Variants in AHDC1 observed in about 807,000 individuals in gnomAD.
The protein encoded by AHDC1 is AT-hook DNA binding motif containing 1, also known as transcription factor Gibbin.
A neutral mutation model predicts 87.9 loss-of-function variants in AHDC1; 7 were observed. The ratio of observed to expected loss-of-function variants is 0.08; its 90% CI spans 0.05 to 0.15. The LOEUF is 0.15. AHDC1 is among the 10% of genes least tolerant of loss of function. AHDC1 has a pLI of 1.00. For missense variants in AHDC1, 1,841 were observed against 2,253.2 expected (o/e 0.82, Z 3.70); for synonymous variants, 1,051 against 1,006.8 (o/e 1.04, Z -0.83).
intron 5 of AHDC1, among the ~76,000 whole-genome samples, chr1:27,557,760 C>T (rs2019890242): frequency 6.6e-6 from 1 of 152,178 alleles, no homozygotes; most frequent in Non-Finnish European, 1.5e-5. Flanking sequence ...CACACAGTAT[C>T]CCCACACCTG....
At chr1:27,555,269 G>C (rs1039669670) in intron 5 of AHDC1, among the ~76,000 whole-genome samples, 14 of 152,222 alleles carry the variant, frequency 9.2e-5, no homozygotes, top group African/African-American at 3.4e-4. Context: ...CTACCCCAGT[G>C]GGGACACTTT....
At chr1:27,575,902 C>CG (rs1208532806) in intron 3 of AHDC1, among the ~76,000 whole-genome samples, 12 of 21,054 alleles carry the variant, frequency 5.7e-4, no homozygotes, top group African/African-American at 1.6e-3. Context: ...GGAGGGGGGG[C>CG]GGGGTCACGT....
intron 3 of AHDC1, among the ~76,000 whole-genome samples, chr1:27,570,802 T>C (rs1324642817): frequency 6.6e-6 from 1 of 152,130 alleles, no homozygotes; most frequent in African/African-American, 2.4e-5. Context: ...TGTATCTTAA[T>C]ACTGCCCAGC....
At chr1:27,544,977 T>A (rs1157997400) in intron 8 of AHDC1, among the ~76,000 whole-genome samples, 1 of 152,116 alleles carries the variant, frequency 6.6e-6, no homozygotes, top group African/African-American at 2.4e-5. Flanking sequence ...TTTACTGCCT[T>A]CCCATAGGCA....
intron 3 of AHDC1, among the ~76,000 whole-genome samples, chr1:27,596,340 T>C (rs977756181): frequency 3.3e-5 from 5 of 152,068 alleles, no homozygotes; most frequent in Non-Finnish European, 5.9e-5. Flanking sequence ...AGGGCAGCAC[T>C]GCGTTTGAAG....
rs190766634 is a variant in AHDC1, at chr1:27,563,425, C to T, written c.-628-4542G>A. Among the ~76,000 whole-genome samples the T allele has an allele frequency of 2.6e-5, 4 of 152,316 alleles. No homozygotes were observed. The East Asian group carries it at 7.7e-4, about 29-fold the overall frequency. The stretch of plus-strand genomic sequence containing the variant: ...AAGGCATGGACCCCTCCACCCACCA[C>T]ACAGCATGAGGCAGGGACATAACCT... On this transcript the variant is annotated intron_variant, in intron 3 of 8. Transcript: ENST00000673934. The surrounding 1 kb of genome is among the most constrained non-coding windows in gnomAD (Gnocchi z 6.1).
intron 3 of AHDC1, among the ~76,000 whole-genome samples, chr1:27,583,707 A>C (rs1040879392): frequency 6.6e-6 from 1 of 151,724 alleles, no homozygotes; most frequent in Non-Finnish European, 1.5e-5. Context: ...CTGCAGCTCC[A>C]CCCTCTCCCT....
At chr1:27,576,109 T>G (rs565964479) in intron 3 of AHDC1, among the ~76,000 whole-genome samples, 61 of 152,030 alleles carry the variant, frequency 4.0e-4, no homozygotes, top group African/African-American at 1.3e-3. Flanking sequence ...CAGAGAGCAC[T>G]GGCGGCCCGG....
rs1433649324 is a variant in AHDC1 at position 27,560,480 on chromosome 1, G to A, written c.-628-1597C>T. ...CTGCAGGTTTCCAATCTCGAGGCCT[G>A]TGACTGCAGGCACTGGTGTCACTGT... On this transcript the variant is annotated intron_variant, in intron 3 of 8. Transcript: ENST00000673934. The surrounding 1 kb of genome is among the most constrained non-coding windows in gnomAD (Gnocchi z 4.1). Among the ~76,000 whole-genome samples, 1 of 152,184 alleles carries A rather than the reference G, an allele frequency of 6.6e-6. No individual in the cohort carries two copies. Among genetic ancestry groups the A allele is most frequent in the African/African-American group, 2.4e-5 (1 of 41,422 alleles).
At chr1:27,538,399 T>TCAAAAAAAAAAAAAAAAAA (rs2018744185) in intron 8 of AHDC1, among the ~76,000 whole-genome samples, 1 of 85,950 alleles carries the variant, frequency 1.2e-5, no homozygotes, top group African/African-American at 7.2e-5. Flanking sequence ...CAAGACTGTC[T>TCAAAAAAAAAAAAAAAAAA]CAAAAAAAAA....
At chr1:27,556,757 T>C (rs1175659200) in intron 5 of AHDC1, among the ~76,000 whole-genome samples, 1 of 152,138 alleles carries the variant, frequency 6.6e-6, no homozygotes, top group Non-Finnish European at 1.5e-5. Context: ...TTCTTTGGTG[T>C]CCAGAGATTC....
At chr1:27,556,813 T>A (rs1344056280) in intron 5 of AHDC1, among the ~76,000 whole-genome samples, 1 of 151,862 alleles carries the variant, frequency 6.6e-6, no homozygotes, top group African/African-American at 2.4e-5. Flanking sequence ...GTCCCAACCA[T>A]CAGTTCTAAT....
Position 27,570,974 on chromosome 1 carries a change from C to T in AHDC1, c.-628-12091G>A, listed in dbSNP as rs182494347. On this transcript the variant is annotated intron_variant, in intron 3 of 8. Coordinates refer to ENST00000673934, the MANE Select transcript of AHDC1 (RefSeq NM_001371928.1). ...ACATGAGTGGCTATAAGGTGACAGACCCCCCCACTCTCCCATCCCCCCAGC... is the reference window on the plus strand; with the variant it reads ...ACATGAGTGGCTATAAGGTGACAGATCCCCCCACTCTCCCATCCCCCCAGC... Among the ~76,000 whole-genome samples, 90 of 152,078 alleles carry T rather than the reference C, an allele frequency of 5.9e-4. 1 individual carries two copies. The highest frequency in any genetic ancestry group is 3.4e-3 in the Middle Eastern group (1 of 294).
At chr1:27,564,867 G>C (rs1185663334) in intron 3 of AHDC1, among the ~76,000 whole-genome samples, 1 of 152,108 alleles carries the variant, frequency 6.6e-6, no homozygotes, top group Non-Finnish European at 1.5e-5. Flanking sequence ...GTGCTTGGAA[G>C]GACTAGAGGA....
intron 3 of AHDC1, among the ~76,000 whole-genome samples, chr1:27,575,943 G>T (rs1489030699): frequency 6.6e-6 from 1 of 151,950 alleles, no homozygotes; most frequent in Non-Finnish European, 1.5e-5. Context: ...GTCGCGATCC[G>T]GGTCGGGCTC....
chr1:27,542,480 C>G (rs2018972883), intron 8 of AHDC1, among the ~76,000 whole-genome samples: 1 of 152,228 alleles, frequency 6.6e-6, no homozygotes, highest in Non-Finnish European at 1.5e-5. Flanking sequence ...ACAGGCTGGT[C>G]AGAGGCCCCG....
At chr1:27,546,974 A>G (rs542089079) in intron 8 of AHDC1, among the ~76,000 whole-genome samples, 1 of 152,176 alleles carries the variant, frequency 6.6e-6, no homozygotes, top group East Asian at 1.9e-4. Flanking sequence ...TTAATAAACC[A>G]AACTACAGGG....
In AHDC1 at chr1:27,551,012, G is replaced by T; in HGVS notation, c.1104C>A (p.Cys368Ter). 6.4e-7 allele frequency: 1 copy of T among 1,567,386 alleles called. No homozygotes were observed. Residue 368 changes from cysteine (C) to a stop codon, truncating the protein, a stop_gained, in exon 8 of 9, where the codon TGC becomes TGA. Coordinates refer to ENST00000673934, the MANE Select transcript of AHDC1 (RefSeq NM_001371928.1). LOFTEE classifies it high-confidence loss of function. ...CAGGCCCGGGGGGGCCGTGCGGTGA[G>T]CACAAGTCCAGGCGCAAGGGCTCGG... ...PLAEPLRLDL[C>*]SPHGPPGPEG... is the part of the protein sequence containing the mutation.
chr1:27,571,361 G>C (rs953066238), intron 3 of AHDC1, among the ~76,000 whole-genome samples: 3 of 152,190 alleles, frequency 2.0e-5, no homozygotes, highest in African/African-American at 7.2e-5. Flanking sequence ...GGAGTCTGAT[G>C]GGGGAGACCA....
Sources: allele counts gnomAD v4.1 joint callset (sites outside exome capture counted in the v4.1 genomes callset), GRCh38; gene constraint gnomAD v4.1.1; non-coding constraint Gnocchi (gnomAD v3.1); transcripts MANE v1.5; gene names NCBI Gene and HGNC (gene_info 2026-07-23, HGNC 2026-07-21).